The following RELL1 variants were observed in gnomAD, a reference collection of about 807,000 sequenced individuals.
RELL1 encodes RELT like 1, also known as RELT-like protein 1.
A neutral mutation model predicts 23.0 loss-of-function variants in RELL1; 10 were observed. The ratio of observed to expected loss-of-function variants is 0.43; its 90% confidence interval spans 0.27 to 0.74. The LOEUF (loss-of-function observed/expected upper bound fraction) is 0.74, where lower values mean the gene tolerates loss of function less well. RELL1 is among the 30% of genes least tolerant of loss of function. The pLI is 0.19. For synonymous variants in RELL1, 146 were observed against 146.8 expected, an observed-to-expected ratio of 0.99 and a Z score of 0.04; for missense variants, 315 against 364.4, an observed-to-expected ratio of 0.86 and a Z score of 1.10.
intron 2 of RELL1, 96 bp from the exon 3 acceptor site, chr4:37,647,535 A>G: frequency 1.2e-6 from 1 of 815,404 alleles, no homozygotes. Context: ...AACAGTTTCC[A>G]GAAGCCTCAG....
chr4:37,681,885 A>C (rs370073803), intron 1 of RELL1, among the ~76,000 whole-genome samples: 1 of 152,116 alleles, frequency 6.6e-6, no homozygotes, highest in South Asian at 2.1e-4. Context: ...TGCTCTTTCC[A>C]CCATAGCATC....
chr4:37,638,489 AAGAC>A lies in RELL1; in HGVS notation c.397_400del (p.Val133Ter). The A allele has an allele frequency of 1.9e-6, 3 of 1,612,278 alleles. No homozygotes were observed. On this transcript the variant is annotated frameshift_variant, in exon 4 of 7. Transcript: ENST00000454158. LOFTEE classifies it high-confidence loss of function. ...GCTGTTATCTGCTACCATCGCCTTT[AAGAC>A]ATCAGCATTCGCTAAGGAATAAAAA... is the stretch of plus-strand genomic sequence containing the variant.
At chr4:37,607,548 G>A (rs1363319656), downstream of RELL1, among the ~76,000 whole-genome samples, 1 of 150,984 alleles carries the variant, frequency 6.6e-6, no homozygotes, top group African/African-American at 2.4e-5. Context: ...CCTGCAAGTC[G>A]AGAAGGTCCA....
intron 6 of RELL1, among the ~76,000 whole-genome samples, chr4:37,628,985 TC>T (rs1446573238): frequency 6.6e-6 from 1 of 152,168 alleles, no homozygotes; most frequent in East Asian, 1.9e-4. Flanking sequence ...CAATCCTAAT[TC>T]CTTCTAACCT....
At chr4:37,676,456 A>G (rs929013368) in intron 1 of RELL1, among the ~76,000 whole-genome samples, 13 of 152,238 alleles carry the variant, frequency 8.5e-5, no homozygotes, top group Non-Finnish European at 1.8e-4. Flanking sequence ...GTAGAAACAC[A>G]GCTGAGTTTA....
At chr4:37,634,738 G>A (rs1191603923) in intron 5 of RELL1, 149 bp downstream of exon 5, 3 of 695,160 alleles carry the variant, frequency 4.3e-6, no homozygotes, top group East Asian at 5.2e-5. Context: ...GAAAAATCTA[G>A]GACTCACACC....
rs546021972 is a variant in RELL1 at position 37,611,730 on chromosome 4, T to TAA, written c.*1614_*1615dup. On this transcript the variant is annotated 3_prime_UTR_variant, in exon 7 of 7. Coordinates refer to ENST00000454158, the MANE Select transcript of RELL1 (RefSeq NM_001085400.2). ...AGGTGTTTTGTAAAATGTACAGTTA[T>TAA]AAAAAAAAAAAAGAAAAAGAAAAGT... Among the ~76,000 whole-genome samples, 1 of 130,698 alleles carries TAA rather than the reference T, an allele frequency of 7.7e-6. No homozygotes were observed. The allele number at this position is 130,698 out of a possible 152,430, so 85.7% of individuals were successfully genotyped here.
downstream of RELL1, among the ~76,000 whole-genome samples, chr4:37,606,445 T>C (rs1719224778): frequency 6.6e-6 from 1 of 152,200 alleles, no homozygotes; most frequent in South Asian, 2.1e-4. The surrounding 1 kb of genome is among the most constrained non-coding windows in gnomAD (Gnocchi z 4.1). Context: ...CTGAGACCTG[T>C]GGATATGACC....
intron 6 of RELL1, 25 bp downstream of exon 6, chr4:37,631,360 C>T: frequency 6.2e-7 from 1 of 1,605,616 alleles, no homozygotes; most frequent in Non-Finnish European, 8.5e-7. Context: ...ACTCTGCCCC[C>T]AATGTCACCA....
downstream of RELL1, among the ~76,000 whole-genome samples, chr4:37,589,816 A>G (rs1720658679): frequency 1.3e-5 from 2 of 152,022 alleles, no homozygotes; most frequent in Non-Finnish European, 2.9e-5. Flanking sequence ...ATTTTTAGTA[A>G]AGATGGGGTT....
chr4:37,590,933 C>A lies in RELL1; in HGVS notation c.*288G>T, dbSNP rs375131188. ...GGGGAGATTGTGGACGAGGATGCAG[C>A]GGTGGCGGAGGCCCTTGCAGCTTTA... On this transcript the variant is annotated 3_prime_UTR_variant, in exon 7 of 7. Coordinates refer to the RELL1 transcript ENST00000314117. The A allele has an allele frequency of 2.0e-5, 32 of 1,614,132 alleles. No individual in the cohort carries two copies. The East Asian group carries it at 6.5e-4, about 33-fold the overall frequency.
chr4:37,675,384 C>T (rs981655715), intron 1 of RELL1, among the ~76,000 whole-genome samples: 2 of 152,222 alleles, frequency 1.3e-5, no homozygotes, highest in African/African-American at 4.8e-5. Flanking sequence ...AAGAAATTCC[C>T]CTTCTCTTCA....
chr4:37,686,199 C>T lies in RELL1; in HGVS notation c.88+1G>A. On this transcript the variant is annotated splice_donor_variant, in intron 1 of 6. Coordinates refer to ENST00000454158, the MANE Select transcript of RELL1 (RefSeq NM_001085400.2). LOFTEE classifies it high-confidence loss of function. The stretch of plus-strand genomic sequence containing the variant: ...CGCCCCGGCTACGACCGGACACTCA[C>T]CCGGAGCCACCAGCGGCGAACTCAC... 6.3e-7 allele frequency: 1 copy of T among 1,579,230 alleles called. No individual in the cohort carries two copies. Among genetic ancestry groups the T allele is most frequent in the Non-Finnish European group, 8.5e-7 (1 of 1,170,896 alleles).
chr4:37,682,712 T>G (rs1480195913), intron 1 of RELL1, among the ~76,000 whole-genome samples: 2 of 152,160 alleles, frequency 1.3e-5, no homozygotes, highest in African/African-American at 4.8e-5. Context: ...CACTATATAT[T>G]ATGTGGATGT....
rs375090273 is a variant in RELL1 at position 37,596,729 on chromosome 4, TATATATA to T, written c.*4-5519_*4-5513del. ...CTGGGCATATATATATATATATATATATATATATTTTTTTTTTTTTTTTTTTTTTTTT... is the reference window on the plus strand; with the variant it reads ...CTGGGCATATATATATATATATATATTTTTTTTTTTTTTTTTTTTTTTTTT... On this transcript the variant is annotated intron_variant, in intron 6 of 6. Transcript: ENST00000314117. Among the ~76,000 whole-genome samples the T allele has an allele frequency of 6.2e-3, 136 of 21,808 alleles. 1 individual carries two copies. Among genetic ancestry groups the T allele is most frequent in the Non-Finnish European group, 0.011 (105 of 9,594 alleles). 14.3% of individuals were successfully genotyped at this position (21,808 alleles called of 152,430 possible).
downstream of RELL1, among the ~76,000 whole-genome samples, chr4:37,607,579 CTTTT>C (rs59939694): frequency 1.3e-4 from 15 of 113,938 alleles, no homozygotes; most frequent in Non-Finnish European, 2.2e-4. Context: ...TCTTTCTTTT[CTTTT>C]TTTTTTTTTT....
intron 1 of RELL1, among the ~76,000 whole-genome samples, chr4:37,660,636 T>C (rs1276530694): frequency 6.6e-6 from 1 of 152,202 alleles, no homozygotes; most frequent in Non-Finnish European, 1.5e-5. Context: ...AGTCACATCA[T>C]TTAGAGTTTA....
intron 1 of RELL1, 86 bp downstream of exon 1, chr4:37,686,114 G>C: frequency 2.6e-6 from 3 of 1,138,014 alleles, no homozygotes; most frequent in Non-Finnish European, 3.8e-6. Context: ...GGACGCCGCG[G>C]GGCTGCCGTC....
intron 1 of RELL1, chr4:37,665,277 C>G (rs1475072342): frequency 4.4e-6 from 2 of 456,300 alleles, no homozygotes; most frequent in Non-Finnish European, 8.8e-6. Flanking sequence ...ACAACTGATA[C>G]ACCCCACTGC....
Sources: gnomAD v4.1 joint callset for allele counts (sites outside exome capture counted in the v4.1 genomes callset) on GRCh38, gnomAD v4.1.1 for gene constraint, Gnocchi (gnomAD v3.1) non-coding constraint, MANE v1.5 for transcripts, NCBI Gene and HGNC (gene_info 2026-07-23, HGNC 2026-07-21) for gene names.